Variants in COX15 observed in about 807,000 individuals in gnomAD.
COX15 encodes the protein cytochrome c oxidase assembly factor COX15, also known as heme A synthase COX15.
In COX15, 51 loss-of-function variants were observed where a neutral mutation model predicts 51.9. The ratio of observed to expected loss-of-function variants is 0.98; its 90% confidence interval spans 0.78 to 1.24. The LOEUF is 1.24. COX15 is among the 50% of genes most tolerant of loss of function. The pLI is 0.00. For synonymous variants in COX15, 188 were observed against 190.5 expected (o/e 0.99, Z 0.11); for missense variants, 420 against 501.1 (o/e 0.84, Z 1.55).
At chr10:99,730,363 T>C (rs1425396883) in intron 1 of COX15, among the ~76,000 whole-genome samples, 1 of 152,052 alleles carries the variant, frequency 6.6e-6, no homozygotes, top group Non-Finnish European at 1.5e-5. Flanking sequence ...GGCAGGGAGA[T>C]CACTTGGGTC....
At chr10:99,710,545 G>C, downstream of COX15, 1 of 985,278 alleles carries the variant, frequency 1.0e-6, no homozygotes, top group African/African-American at 1.7e-5. Context: ...CAATAATTTT[G>C]TTGAATTTTG....
At chr10:99,702,747 C>CTT in the COX15 span, 54 of 1,124,652 alleles carry the variant, frequency 4.8e-5, no homozygotes, top group South Asian at 8.0e-5. Context: ...CGGTTTCTTT[C>CTT]TTTTTTTTTT....
intron 2 of COX15, among the ~76,000 whole-genome samples, chr10:99,728,985 G>A (rs1448160659): frequency 6.6e-6 from 1 of 152,180 alleles, no homozygotes; most frequent in African/African-American, 2.4e-5. Flanking sequence ...CTGATTGAAA[G>A]AGAAAAGATA....
chr10:99,726,816 G>T, intron 4 of COX15, 152 bp downstream of exon 4: 1 of 726,668 alleles, frequency 1.4e-6, no homozygotes, highest in Non-Finnish European at 2.3e-6. Context: ...AACCTGGGAG[G>T]CGGAGCTTGC....
In COX15 at chr10:99,731,977, C is replaced by A. The variant is rs747288608; in HGVS notation, c.73G>T (p.Ala25Ser). Residue 25 changes from alanine to serine, a missense_variant, in exon 1 of 9, where the codon GCA (alanine) becomes TCA (serine). Coordinates refer to ENST00000016171, the MANE Select transcript of COX15 (RefSeq NM_078470.6). ...TGCGGTACCTGTGCTCTAGGCGCTG[C>A]CCTAGGAGCCAGGAGCGGCAGATAC... ...RQYLPLLAPR[A>S]APRAQCDCIR... The A allele has an allele frequency of 7.9e-5, 128 of 1,611,810 alleles. 2 individuals are homozygous for A. The highest frequency in any genetic ancestry group is 9.0e-5 in the Non-Finnish European group (106 of 1,179,304).
At chr10:99,696,292 C>T in the COX15 span, among the ~76,000 whole-genome samples, 1 of 152,184 alleles carries the variant, frequency 6.6e-6, no homozygotes, top group African/African-American at 2.4e-5. Context: ...CAGTCCCACT[C>T]TGGGTGAGGG....
At chr10:99,724,166 T>C in intron 4 of COX15, 43 bp from the exon 5 acceptor site, 1 of 1,610,564 alleles carries the variant, frequency 6.2e-7, no homozygotes, top group Non-Finnish European at 8.5e-7. Context: ...AAGGTTAAAA[T>C]GATCTGTTCA....
rs200799839 is a variant in COX15 at position 99,718,354 on chromosome 10, G to A, written c.979C>T (p.Arg327Trp). 2.7e-5 allele frequency: 44 copies of A among 1,613,956 alleles called. No homozygotes were observed. The highest frequency in any genetic ancestry group is 3.4e-5 in the Non-Finnish European group (40 of 1,180,026). Residue 327 changes from arginine to tryptophan, a missense_variant, in exon 7 of 9, where the codon CGG (arginine) becomes TGG (tryptophan). Coordinates refer to ENST00000016171, the MANE Select transcript of COX15 (RefSeq NM_078470.6). ...CCACCAACTACACTTACCAGAATCCGGTGATCAAACTGCACCATGGTGGGA... is the reference window on the plus strand; with the variant it reads ...CCACCAACTACACTTACCAGAATCCAGTGATCAAACTGCACCATGGTGGGA... ...ENPTMVQFDH[R>W]ILGITSVTAI...
Position 99,714,544 on chromosome 10 carries a change from T to C in COX15, c.*43A>G. 6.2e-7 allele frequency: 1 copy of C among 1,613,472 alleles called. No individual in the cohort carries two copies. ...CAAGTTCTTATGATCTCTGAAGAGC[T>C]CTCAAAAGCAGTCACAGTCCCAGGA... On this transcript the variant is annotated 3_prime_UTR_variant, in exon 9 of 9. Transcript: ENST00000016171.
In COX15 at chr10:99,716,456, G is replaced by C; in HGVS notation, c.993C>G (p.Ile331Met). 6.2e-7 allele frequency: 1 copy of C among 1,606,416 alleles called. No individual in the cohort carries two copies. Among genetic ancestry groups the C allele is most frequent in the Non-Finnish European group, 8.5e-7 (1 of 1,173,278 alleles). The change falls in exon 8 of 9, where the codon ATC becomes ATG. Residue 331 changes from isoleucine (I) to methionine (M), a missense_variant. Physicochemically the swap from Ile to Met is conservative, Grantham distance 10. Coordinates refer to ENST00000016171, the MANE Select transcript of COX15 (RefSeq NM_078470.6). Reference sequence around the variant, plus strand: ...GCACTGTAATGGCAGTGACTGAAGTGATTCCCTGCAGGGAAGAAAGAGTCT... The same window carrying C: ...GCACTGTAATGGCAGTGACTGAAGTCATTCCCTGCAGGGAAGAAAGAGTCT... ...MVQFDHRILG[I>M]TSVTAITVLY...
At chr10:99,698,517 T>G in the COX15 span, 3 of 1,608,938 alleles carry the variant, frequency 1.9e-6, no homozygotes, top group African/African-American at 4.0e-5. Flanking sequence ...GTTTGTTTGT[T>G]TTTGTCATTG....
intron 7 of COX15, among the ~76,000 whole-genome samples, chr10:99,718,002 C>T (rs2036629615): frequency 6.6e-6 from 1 of 152,202 alleles, no homozygotes; most frequent in African/African-American, 2.4e-5. Flanking sequence ...TCTCCGCATT[C>T]GCTTCTCTAC....
intron 5 of COX15, among the ~76,000 whole-genome samples, chr10:99,721,699 A>G (rs1471331120): frequency 1.3e-5 from 2 of 152,184 alleles, no homozygotes; most frequent in Non-Finnish European, 2.9e-5. Context: ...AACATATTAT[A>G]GGACAGTATA....
At chr10:99,695,272 C>T in the COX15 span, among the ~76,000 whole-genome samples, 6 of 152,234 alleles carry the variant, frequency 3.9e-5, no homozygotes, top group Middle Eastern at 6.8e-3. Context: ...CACCTGTAAT[C>T]CCAGCACTTT....
At chr10:99,721,172 T>G in intron 5 of COX15, 104 bp from the exon 6 acceptor site, 4 of 838,322 alleles carry the variant, frequency 4.8e-6, no homozygotes, top group South Asian at 1.4e-5. Context: ...AGATCAGATC[T>G]TCTCTGACCC....
chr10:99,706,658 A>G (rs571969384), downstream of COX15, among the ~76,000 whole-genome samples: 1 of 151,974 alleles, frequency 6.6e-6, no homozygotes, highest in African/African-American at 2.4e-5. Flanking sequence ...GAAATCTCTT[A>G]CCTTTCATTA....
At chr10:99,698,490 G>C in the COX15 span, 1 of 1,559,634 alleles carries the variant, frequency 6.4e-7, no homozygotes, top group Admixed American at 1.7e-5. Flanking sequence ...TTGAATACAG[G>C]CATGACGTGT....
chr10:99,696,903 G>T, the COX15 span, among the ~76,000 whole-genome samples: 1 of 152,146 alleles, frequency 6.6e-6, no homozygotes, highest in African/African-American at 2.4e-5. Context: ...CAGTGCTGAG[G>T]GTCTAGCCTA....
chr10:99,714,843 A>G, intron 8 of COX15, 125 bp from the exon 9 acceptor site: 3 of 1,509,098 alleles, frequency 2.0e-6, no homozygotes, highest in Non-Finnish European at 2.7e-6. Context: ...AAATACACAC[A>G]TTTTTAATTT....
Sources: allele counts gnomAD v4.1 joint callset (sites outside exome capture counted in the v4.1 genomes callset), GRCh38; gene constraint gnomAD v4.1.1; transcripts MANE v1.5; gene names NCBI Gene and HGNC (gene_info 2026-07-23, HGNC 2026-07-21).